The following RAF1 variants were observed in gnomAD, a reference collection of about 807,000 sequenced individuals.
RAF1 encodes the protein RAF proto-oncogene serine/threonine-protein kinase.
Under a neutral mutation model 81.1 loss-of-function variants are expected in RAF1, and 27 were observed. The observed-to-expected ratio is 0.33, with a 90% confidence interval of 0.25 to 0.46. The LOEUF is 0.46. Among genes scored for constraint, RAF1 ranks in the 20% least tolerant of loss-of-function variants. The pLI is 1.00. For synonymous variants in RAF1, 298 were observed against 294.0 expected, an observed-to-expected ratio of 1.01 and a Z score of -0.14; for missense variants, 598 against 826.0, an observed-to-expected ratio of 0.72 and a Z score of 3.38.
At chr3:12,591,905 A>C in intron 11 of RAF1, 113 bp from the exon 11 acceptor site, 30 of 830,630 alleles carry the variant, frequency 3.6e-5, no homozygotes, top group Non-Finnish European at 5.5e-5. Flanking sequence ...ACATACCTAC[A>C]CAGATACGGC....
intron 1 of RAF1, among the ~76,000 whole-genome samples, chr3:12,641,473 A>G (rs1457409524): frequency 6.6e-6 from 1 of 151,214 alleles, no homozygotes; most frequent in African/African-American, 2.4e-5. Flanking sequence ...GTCCCCCCCA[A>G]AAAAAAATGT....
chr3:12,622,086 C>G (rs1223734883), intron 1 of RAF1, among the ~76,000 whole-genome samples: 2 of 152,188 alleles, frequency 1.3e-5, no homozygotes, highest in East Asian at 3.8e-4. Flanking sequence ...AAGCCTCAAC[C>G]TGAGCCCTGA....
chr3:12,652,935 C>T (rs1335377346), intron 1 of RAF1, among the ~76,000 whole-genome samples: 1 of 126,518 alleles, frequency 7.9e-6, no homozygotes, highest in Admixed American at 8.6e-5. Context: ...AGTGAGACTC[C>T]ATCTCAAAAA....
At chr3:12,606,000 T>G (rs1305332201) in intron 6 of RAF1, among the ~76,000 whole-genome samples, 1 of 151,582 alleles carries the variant, frequency 6.6e-6, no homozygotes, top group African/African-American at 2.4e-5. Flanking sequence ...CAAAGTCACT[T>G]TCCAGAATGT....
At chr3:12,658,038 A>G (rs1296347859) in intron 1 of RAF1, among the ~76,000 whole-genome samples, 2 of 152,132 alleles carry the variant, frequency 1.3e-5, no homozygotes, top group Non-Finnish European at 2.9e-5. Context: ...CTTTTACTTA[A>G]TATGTTTCCA....
At chr3:12,585,822 G>A (rs775018440) in intron 14 of RAF1, 23 bp from the exon 14 acceptor site, 1 of 1,533,690 alleles carries the variant, frequency 6.5e-7, no homozygotes, top group Non-Finnish European at 9.0e-7. Flanking sequence ...TAAGGACTCT[G>A]GTTTCAAAAG....
chr3:12,638,926 G>C (rs1056484269), intron 1 of RAF1, among the ~76,000 whole-genome samples: 9 of 152,130 alleles, frequency 5.9e-5, no homozygotes, highest in Admixed American at 2.6e-4. Context: ...GAATGCAAAA[G>C]AATGTACAGG....
intron 1 of RAF1, among the ~76,000 whole-genome samples, chr3:12,636,778 G>C (rs2060045415): frequency 6.6e-6 from 1 of 151,968 alleles, no homozygotes. Flanking sequence ...CTGCACTCCA[G>C]CCTGGGTAAC....
At chr3:12,634,153 C>CTTTTT (rs71063851) in intron 1 of RAF1, among the ~76,000 whole-genome samples, 2 of 141,470 alleles carry the variant, frequency 1.4e-5, no homozygotes, top group African/African-American at 2.6e-5. Flanking sequence ...TCCTTTCTCT[C>CTTTTT]TTTTTTTTTT....
intron 15 of RAF1, 90 bp downstream of exon 14, chr3:12,585,591 G>T (rs2058306572): frequency 2.2e-6 from 3 of 1,386,846 alleles, no homozygotes; most frequent in Non-Finnish European, 3.1e-6. Context: ...TCGGGGAAAT[G>T]TACAGAAACG....
At chr3:12,595,814 C>T (rs1575555855) in intron 11 of RAF1, among the ~76,000 whole-genome samples, 1 of 152,112 alleles carries the variant, frequency 6.6e-6, no homozygotes, top group East Asian at 1.9e-4. Flanking sequence ...TTAGCAATTA[C>T]AGCATACTAT....
rs764020787 is a variant in RAF1, at chr3:12,608,925, TACA to T, written c.424-5_424-3del. 1.5e-5 allele frequency: 25 copies of T among 1,613,968 alleles called. No homozygotes were observed. The East Asian group carries it at 3.1e-4, about 20-fold the overall frequency. On this transcript the variant is annotated splice_region_variant and splice_polypyrimidine_tract_variant and intron_variant, in intron 4 of 17. Transcript: ENST00000442415. ...AAGCTTCAGGAACGTCTTCCGAGCC[TACA>T]ACAAGAACACAGGTGTAAATTATGC...
At chr3:12,627,614 G>T (rs1005766139) in intron 1 of RAF1, among the ~76,000 whole-genome samples, 1 of 151,918 alleles carries the variant, frequency 6.6e-6, no homozygotes, top group African/African-American at 2.4e-5. Context: ...TTTTCTGGTC[G>T]ACATTATTTC....
intron 1 of RAF1, among the ~76,000 whole-genome samples, chr3:12,654,363 A>C (rs1318371665): frequency 2.6e-5 from 4 of 151,740 alleles, no homozygotes; most frequent in Non-Finnish European, 5.9e-5. Flanking sequence ...GCATTTTGGG[A>C]GGCCAAGGCG....
chr3:12,598,715 G>C (rs2058756914), intron 11 of RAF1, among the ~76,000 whole-genome samples: 1 of 62,858 alleles, frequency 1.6e-5, no homozygotes. Context: ...AACAGAGCAA[G>C]AATCTATCTC....
Position 12,604,261 on chromosome 3 carries a change from C to T in RAF1, c.709G>A (p.Ala237Thr), listed in dbSNP as rs587777588. The change falls in exon 7 of 18, where the codon GCC becomes ACC. Residue 237 changes from alanine to threonine, a missense_variant. Physicochemically the swap from Ala to Thr is moderately conservative, Grantham distance 58. Transcript: ENST00000442415. The stretch of plus-strand genomic sequence containing the variant: ...GGACTGGAGGTGTTAAAGGTGAAGG[C>T]GTGAGGTGTAGAATATCTGTGCTGA... The T allele has an allele frequency of 6.2e-6, 10 of 1,613,866 alleles. No homozygotes were observed. Among genetic ancestry groups the T allele is most frequent in the Admixed American group, 3.3e-5 (2 of 59,976 alleles).
At position 12,585,834 on chromosome 3, in the gene RAF1, A is replaced by G. The variant is rs544962813; in HGVS notation, c.1478-35T>C. 6 of 1,484,746 alleles carry G rather than the reference A, an allele frequency of 4.0e-6. No homozygotes were observed. In the South Asian group the frequency reaches 6.8e-5, roughly 17 times the overall value. The allele number at this position is 1,484,746 out of a possible 1,614,324, so 92.0% of individuals were successfully genotyped here. On this transcript the variant is annotated intron_variant, in intron 14 of 17. Transcript: ENST00000442415. ...TGTTAAGGACTCTGGTTTCAAAAGA[A>G]TGGTCAGGTTAATTTTGAAAAATAT...
intron 1 of RAF1, among the ~76,000 whole-genome samples, chr3:12,661,972 C>T (rs1295265951): frequency 6.6e-6 from 1 of 150,984 alleles, no homozygotes; most frequent in East Asian, 2.0e-4. Context: ...ATCACTTGAG[C>T]CCAAGAGTTC....
intron 1 of RAF1, among the ~76,000 whole-genome samples, chr3:12,644,467 A>G (rs2060284071): frequency 6.6e-6 from 1 of 152,240 alleles, no homozygotes; most frequent in African/African-American, 2.4e-5. Context: ...TGACTAATGC[A>G]GCAAGCTTCT....
Sources: gnomAD v4.1 joint callset for allele counts (sites outside exome capture counted in the v4.1 genomes callset) on GRCh38, gnomAD v4.1.1 for gene constraint, MANE v1.5 for transcripts, NCBI Gene and HGNC (gene_info 2026-07-23, HGNC 2026-07-21) for gene names.